RBFOX3: variants seen among roughly 807,000 people sequenced by gnomAD.
RBFOX3 encodes RNA binding fox-1 homolog 3, also known as RNA binding protein fox-1 homolog 3.
A neutral mutation model predicts 48.7 loss-of-function variants in RBFOX3; 17 were observed. That is an observed-to-expected ratio of 0.35 (90% CI 0.24 to 0.52). The LOEUF (loss-of-function observed/expected upper bound fraction) is 0.52. Among genes scored for constraint, RBFOX3 ranks in the 20% least tolerant of loss-of-function variants. RBFOX3 has a pLI of 0.94. For synonymous variants in RBFOX3, 212 were observed against 209.5 expected (o/e 1.01, Z -0.10); for missense variants, 382 against 497.5 (o/e 0.77, Z 2.21).
intron 1 of RBFOX3, among the ~76,000 whole-genome samples, chr17:79,567,302 G>A (rs2092500095): frequency 6.7e-6 from 1 of 150,358 alleles, no homozygotes; most frequent in Non-Finnish European, 1.5e-5. Flanking sequence ...TCCTGAGTCA[G>A]CCTCCCTAGT....
intron 4 of RBFOX3, among the ~76,000 whole-genome samples, chr17:79,126,716 T>C (rs12940834): frequency 0.46 from 70,220 of 151,944 alleles, 16,831 homozygotes; most frequent in Non-Finnish European, 0.5. Context: ...ACAGGTAGTT[T>C]CTGCAGGAGA....
At chr17:79,419,456 C>A (rs1170586882) in intron 2 of RBFOX3, among the ~76,000 whole-genome samples, 1 of 152,214 alleles carries the variant, frequency 6.6e-6, no homozygotes, top group Non-Finnish European at 1.5e-5. Flanking sequence ...GCATAGCAGG[C>A]AACGAGGACC....
chr17:79,342,979 CGAGAGAGA>C (rs35571686), intron 2 of RBFOX3, among the ~76,000 whole-genome samples: 3 of 143,784 alleles, frequency 2.1e-5, no homozygotes, highest in South Asian at 2.3e-4. Flanking sequence ...AGAGAAAGAG[CGAGAGAGA>C]GAGAGAGAGA....
chr17:79,387,544 A>C (rs2060727632), intron 2 of RBFOX3, among the ~76,000 whole-genome samples: 1 of 152,224 alleles, frequency 6.6e-6, no homozygotes, highest in Non-Finnish European at 1.5e-5. Flanking sequence ...TACCGCCCGC[A>C]TGGGCTGGAT....
At chr17:79,458,323 C>T (rs1555746422) in intron 2 of RBFOX3, among the ~76,000 whole-genome samples, 2 of 152,178 alleles carry the variant, frequency 1.3e-5, no homozygotes, top group South Asian at 2.1e-4. Context: ...ACAGGTGCCT[C>T]GCACCCTTCA....
intron 1 of RBFOX3, among the ~76,000 whole-genome samples, chr17:79,594,799 G>A (rs1411225473): frequency 3.3e-5 from 5 of 152,240 alleles, no homozygotes; most frequent in African/African-American, 1.2e-4. Context: ...AGGCCTTCCA[G>A]GGGCACCCCT....
At chr17:79,557,901 G>C (rs1213206940) in intron 1 of RBFOX3, among the ~76,000 whole-genome samples, 5 of 152,230 alleles carry the variant, frequency 3.3e-5, no homozygotes, top group Non-Finnish European at 7.3e-5. Context: ...CGCTGCGGTT[G>C]TTTGCTGGGG....
intron 4 of RBFOX3, among the ~76,000 whole-genome samples, chr17:79,130,882 C>T (rs917315828): frequency 6.6e-6 from 1 of 152,400 alleles, no homozygotes; most frequent in Middle Eastern, 3.4e-3. Context: ...GCACAAATTC[C>T]TCATCAGTGA....
Position 79,172,718 on chromosome 17 carries a change from C to T in RBFOX3, c.-33-56970G>A, listed in dbSNP as rs571250488. The stretch of plus-strand genomic sequence containing the variant: ...CCCATATGACTATGGGTCCTGGAAA[C>T]GTGGCTTGTCTCAACAGAGATATTC... On this transcript the variant is annotated intron_variant, in intron 4 of 14. Coordinates refer to ENST00000693108, the MANE Select transcript of RBFOX3 (RefSeq NM_001350451.2). 3.3e-5 allele frequency among the ~76,000 whole-genome samples: 5 copies of T among 152,292 alleles called. No homozygotes were observed. In the East Asian group the frequency reaches 9.6e-4, roughly 29 times the overall value.
intron 2 of RBFOX3, among the ~76,000 whole-genome samples, chr17:79,432,418 T>C (rs1555728908): frequency 1.3e-5 from 2 of 152,200 alleles, no homozygotes; most frequent in African/African-American, 2.4e-5. Flanking sequence ...GCTTGGCTCA[T>C]GGAGGAGCTA....
chr17:79,427,192 C>G (rs1555725976), intron 2 of RBFOX3, among the ~76,000 whole-genome samples: 1 of 152,186 alleles, frequency 6.6e-6, no homozygotes, highest in East Asian at 1.9e-4. Context: ...CCTGCCCAGA[C>G]AGGCCCACTC....
intron 2 of RBFOX3, among the ~76,000 whole-genome samples, chr17:79,478,519 A>G (rs1414807057): frequency 6.6e-6 from 1 of 152,246 alleles, no homozygotes; most frequent in African/African-American, 2.4e-5. Context: ...GCTCCAGAAC[A>G]AAGATGCTCC....
intron 4 of RBFOX3, among the ~76,000 whole-genome samples, chr17:79,124,269 CG>C (rs2036562792): frequency 6.6e-6 from 1 of 152,220 alleles, no homozygotes; most frequent in Admixed American, 6.5e-5. Context: ...AGACATTTAC[CG>C]GCACGCCACT....
At chr17:79,253,701 G>A (rs1010783422) in intron 3 of RBFOX3, among the ~76,000 whole-genome samples, 6 of 152,190 alleles carry the variant, frequency 3.9e-5, no homozygotes, top group African/African-American at 7.2e-5. Context: ...GTCTGTCTGC[G>A]GTTAGGGTGG....
chr17:79,518,257 G>C (rs2085536231), intron 1 of RBFOX3, among the ~76,000 whole-genome samples: 2 of 152,264 alleles, frequency 1.3e-5, no homozygotes, highest in South Asian at 4.1e-4. Context: ...GACTATTATG[G>C]GAAATTAATC....
intron 1 of RBFOX3, among the ~76,000 whole-genome samples, chr17:79,528,741 C>T (rs1020161417): frequency 1.9e-4 from 29 of 152,028 alleles, no homozygotes; most frequent in African/African-American, 6.5e-4. Flanking sequence ...TCACGGAGCA[C>T]TGCGGGCTGC....
intron 2 of RBFOX3, among the ~76,000 whole-genome samples, chr17:79,380,152 C>T (rs529532770): frequency 2.7e-4 from 41 of 152,108 alleles, no homozygotes; most frequent in East Asian, 7.7e-4. Flanking sequence ...TAACCCTCCC[C>T]GTCTGGCTCC....
At chr17:79,201,324 G>A (rs1187018629) in intron 4 of RBFOX3, among the ~76,000 whole-genome samples, 3 of 152,192 alleles carry the variant, frequency 2.0e-5, no homozygotes, top group African/African-American at 7.2e-5. Flanking sequence ...GGAATGTGGG[G>A]GATGACCTGG....
chr17:79,664,600 G>A, the RBFOX3 span, among the ~76,000 whole-genome samples: 20 of 152,066 alleles, frequency 1.3e-4, 1 homozygote, highest in Non-Finnish European at 5.9e-5. Flanking sequence ...CACCCGCCTC[G>A]GCCTCTCAAA....
Sources: allele counts gnomAD v4.1 joint callset (sites outside exome capture counted in the v4.1 genomes callset), GRCh38; gene constraint gnomAD v4.1.1; transcripts MANE v1.5; gene names NCBI Gene and HGNC (gene_info 2026-07-23, HGNC 2026-07-21).